Variants in BBX observed in about 807,000 individuals in gnomAD.
BBX encodes HMG box transcription factor BBX.
Under a neutral mutation model 100.2 loss-of-function variants are expected in BBX, and 30 were observed. The observed-to-expected ratio is 0.30, with a 90% CI of 0.22 to 0.41. The LOEUF (loss-of-function observed/expected upper bound fraction) is 0.41. Among genes scored for constraint, BBX ranks in the 10% least tolerant of loss-of-function variants. The pLI is 1.00. For missense variants in BBX, 1,023 were observed against 1,129.8 expected (o/e 0.91, Z 1.35); for synonymous variants, 376 against 388.1 (o/e 0.97, Z 0.37).
chr3:107,668,802 G>GA lies in BBX; in HGVS notation c.-10+22896dup, dbSNP rs531084001. Among the ~76,000 whole-genome samples, 22 of 152,222 alleles carry GA rather than the reference G, an allele frequency of 1.4e-4. No individual in the cohort carries two copies. In the South Asian group the frequency reaches 4.4e-3, roughly 30 times the overall value. On this transcript the variant is annotated intron_variant, in intron 3 of 17. Coordinates refer to ENST00000325805, the MANE Select transcript of BBX (RefSeq NM_001142568.3). ...GCCGGAGACTTTTGTTGATTTGTTT[G>GA]AAATTATTTGCATTTAAATGGCTTC...
At chr3:107,532,935 T>C (rs994257507) in intron 2 of BBX, among the ~76,000 whole-genome samples, 4 of 152,172 alleles carry the variant, frequency 2.6e-5, no homozygotes, top group African/African-American at 9.7e-5. Context: ...GTATTGGAAA[T>C]AGATTCACAA....
chr3:107,618,251 A>G (rs1458878861), intron 2 of BBX, among the ~76,000 whole-genome samples: 1 of 151,630 alleles, frequency 6.6e-6, no homozygotes, highest in African/African-American at 2.4e-5. Context: ...TTTCTTTTAG[A>G]TATTTCTGAA....
intron 2 of BBX, among the ~76,000 whole-genome samples, chr3:107,545,656 T>C (rs895754670): frequency 6.6e-6 from 1 of 152,216 alleles, no homozygotes; most frequent in Non-Finnish European, 1.5e-5. Context: ...AGTTATTTTC[T>C]TAACAAGAGC....
intron 4 of BBX, among the ~76,000 whole-genome samples, chr3:107,715,645 C>T (rs1237001456): frequency 6.6e-6 from 1 of 152,134 alleles, no homozygotes; most frequent in Non-Finnish European, 1.5e-5. Context: ...TTCTGAGATT[C>T]TGTAATCAGA....
chr3:107,786,275 T>A (rs1487820318), intron 13 of BBX, among the ~76,000 whole-genome samples: 1 of 152,118 alleles, frequency 6.6e-6, no homozygotes, highest in African/African-American at 2.4e-5. Context: ...CCAACCCCTC[T>A]TAGAATCCCA....
chr3:107,587,083 C>A (rs1469180009), intron 2 of BBX, among the ~76,000 whole-genome samples: 1 of 152,066 alleles, frequency 6.6e-6, no homozygotes, highest in East Asian at 1.9e-4. Context: ...GTTTTGCCAT[C>A]TTATTTTGCT....
chr3:107,707,454 A>G (rs2061458590), intron 3 of BBX, among the ~76,000 whole-genome samples: 1 of 152,238 alleles, frequency 6.6e-6, no homozygotes, highest in Admixed American at 6.5e-5. Context: ...AATCCTCACA[A>G]CTAACTGATC....
At chr3:107,754,648 G>A (rs963205835) in intron 9 of BBX, among the ~76,000 whole-genome samples, 2 of 152,150 alleles carry the variant, frequency 1.3e-5, no homozygotes, top group Non-Finnish European at 1.5e-5. Flanking sequence ...TGTGGGATCT[G>A]TGGTCACCTT....
At chr3:107,698,183 G>A (rs866424852) in intron 3 of BBX, among the ~76,000 whole-genome samples, 3 of 151,884 alleles carry the variant, frequency 2.0e-5, no homozygotes, top group South Asian at 2.1e-4. Flanking sequence ...GGGAGCTGTA[G>A]ACCAGAGCTG....
chr3:107,590,076 C>G (rs1482314006), intron 2 of BBX, among the ~76,000 whole-genome samples: 1 of 151,976 alleles, frequency 6.6e-6, no homozygotes, highest in Non-Finnish European at 1.5e-5. Context: ...AACTATTTCC[C>G]TTAAAGTGAA....
At chr3:107,555,056 G>A (rs535126919) in intron 2 of BBX, among the ~76,000 whole-genome samples, 1 of 151,120 alleles carries the variant, frequency 6.6e-6, no homozygotes, top group South Asian at 2.1e-4. Context: ...CAACAAGAGC[G>A]AAACTCCGTC....
intron 2 of BBX, among the ~76,000 whole-genome samples, chr3:107,573,958 C>CG (rs1293991751): frequency 2.0e-5 from 3 of 152,168 alleles, no homozygotes; most frequent in Non-Finnish European, 4.4e-5. Context: ...CTCCTGATCT[C>CG]GGGTGATCCA....
intron 15 of BBX, among the ~76,000 whole-genome samples, chr3:107,794,706 T>C (rs764851370): frequency 6.6e-6 from 1 of 152,230 alleles, no homozygotes; most frequent in Non-Finnish European, 1.5e-5. Context: ...TTTCAGCTCA[T>C]GGGAGACCTA....
At chr3:107,778,994 C>CATATAT (rs1286419462) in intron 13 of BBX, among the ~76,000 whole-genome samples, 3,540 of 67,458 alleles carry the variant, frequency 0.052, 136 homozygotes, top group Non-Finnish European at 0.067. Flanking sequence ...CCTCCAGCAA[C>CATATAT]ATATATATAT....
rs557977249 is a variant in BBX, at chr3:107,587,464, T to C, written c.-83-58372T>C. On this transcript the variant is annotated intron_variant, in intron 2 of 17. Coordinates refer to ENST00000325805, the MANE Select transcript of BBX (RefSeq NM_001142568.3). The stretch of plus-strand genomic sequence containing the variant: ...AAATAATCTACCCTAGAAATTGCTG[T>C]TCTCACAATTCCTAAAGAATTAGTT... Among the ~76,000 whole-genome samples the C allele has an allele frequency of 3.3e-4, 51 of 152,304 alleles. 1 individual carries two copies. Among genetic ancestry groups the C allele is most frequent in the Admixed American group, 2.4e-3 (36 of 15,294 alleles).
intron 2 of BBX, among the ~76,000 whole-genome samples, chr3:107,617,480 G>A (rs866898828): frequency 2.6e-5 from 4 of 151,750 alleles, no homozygotes; most frequent in African/African-American, 2.4e-5. Flanking sequence ...TGCCATCTTC[G>A]CTATGTTTAG....
At chr3:107,785,050 GATAAC>G (rs2068271386) in intron 13 of BBX, among the ~76,000 whole-genome samples, 1 of 151,506 alleles carries the variant, frequency 6.6e-6, no homozygotes, top group African/African-American at 2.4e-5. Context: ...CAATAGATGA[GATAAC>G]ATGTATGAAA....
chr3:107,697,176 C>T (rs1053154149), intron 3 of BBX, among the ~76,000 whole-genome samples: 3 of 151,840 alleles, frequency 2.0e-5, no homozygotes, highest in Non-Finnish European at 2.9e-5. Context: ...ATTTGATCGT[C>T]TGAAGCCTTC....
intron 13 of BBX, among the ~76,000 whole-genome samples, chr3:107,784,119 T>TGAAAAAG (rs1362482543): frequency 6.6e-6 from 1 of 151,994 alleles, no homozygotes; most frequent in East Asian, 1.9e-4. Context: ...TATCTGTGAA[T>TGAAAAAG]GAAAACAACC....
Sources: allele counts gnomAD v4.1 joint callset (sites outside exome capture counted in the v4.1 genomes callset), GRCh38; gene constraint gnomAD v4.1.1; transcripts MANE v1.5; gene names NCBI Gene and HGNC (gene_info 2026-07-23, HGNC 2026-07-21).